The following LPIN2 variants were observed in gnomAD, a reference collection of about 807,000 sequenced individuals.
LPIN2 encodes phosphatidate phosphatase LPIN2.
Under a neutral mutation model 111.4 loss-of-function variants are expected in LPIN2, and 55 were observed. The ratio of observed to expected loss-of-function variants is 0.49; its 90% CI spans 0.40 to 0.62. The LOEUF (loss-of-function observed/expected upper bound fraction) is 0.62, where lower values mean the gene tolerates loss of function less well. LPIN2 is among the 20% of genes least tolerant of loss of function. The probability of loss-of-function intolerance (pLI) is 0.00; values close to 1 mark genes in which losing one functional copy is unlikely to be tolerated. For synonymous variants in LPIN2, 425 were observed against 414.0 expected, an observed-to-expected ratio of 1.03 and a Z score of -0.32; for missense variants, 992 against 1,112.1, an observed-to-expected ratio of 0.89 and a Z score of 1.54.
intron 8 of LPIN2, among the ~76,000 whole-genome samples, chr18:2,933,008 G>A (rs1338319743): frequency 6.6e-6 from 1 of 152,118 alleles, no homozygotes; most frequent in Non-Finnish European, 1.5e-5. Context: ...TACACACATG[G>A]GGATGCCGTC....
At chr18:3,004,862 G>A (rs2078488224) in intron 1 of LPIN2, among the ~76,000 whole-genome samples, 1 of 152,096 alleles carries the variant, frequency 6.6e-6, no homozygotes, top group Non-Finnish European at 1.5e-5. Context: ...AGAACATCAG[G>A]TTTACCTTGT....
intron 1 of LPIN2, among the ~76,000 whole-genome samples, chr18:3,003,767 C>T (rs2078469098): frequency 6.6e-6 from 1 of 152,134 alleles, no homozygotes; most frequent in Non-Finnish European, 1.5e-5. Flanking sequence ...TCACTGTACC[C>T]TGAAAAGAAC....
rs1180021412 is a variant in LPIN2 at position 2,925,784 on chromosome 18, C to T, written c.1794-416G>A. 2.0e-5 allele frequency among the ~76,000 whole-genome samples: 3 copies of T among 152,182 alleles called. No individual in the cohort carries two copies. Among genetic ancestry groups the T allele is most frequent in the African/African-American group, 4.8e-5 (2 of 41,446 alleles). Reference sequence around the variant, plus strand: ...ACTTTGGGAGGCCGAGTTAGGAGGACACCTTGAGCCCAGGAGTTTGAGACC... The same window carrying T: ...ACTTTGGGAGGCCGAGTTAGGAGGATACCTTGAGCCCAGGAGTTTGAGACC... On this transcript the variant is annotated intron_variant, in intron 13 of 19. Transcript: ENST00000677752. The surrounding 1 kb of genome is among the most constrained non-coding windows in gnomAD (Gnocchi z 4.1).
At chr18:3,005,406 G>A (rs1401900800) in intron 1 of LPIN2, among the ~76,000 whole-genome samples, 1 of 152,030 alleles carries the variant, frequency 6.6e-6, no homozygotes, top group African/African-American at 2.4e-5. Flanking sequence ...AGGGCACAGT[G>A]GCTCATGCCT....
At chr18:2,926,174 G>C (rs2077127051) in intron 13 of LPIN2, among the ~76,000 whole-genome samples, 1 of 152,150 alleles carries the variant, frequency 6.6e-6, no homozygotes, top group African/African-American at 2.4e-5. Context: ...AAAGATATAG[G>C]ATGGGGGGCG....
chr18:3,009,892 A>C (rs988332764), intron 1 of LPIN2, among the ~76,000 whole-genome samples: 1 of 152,250 alleles, frequency 6.6e-6, no homozygotes, highest in African/African-American at 2.4e-5. Context: ...TTTAATCCTG[A>C]AAGTGACATT....
chr18:3,010,791 G>A (rs2078589636), intron 1 of LPIN2, among the ~76,000 whole-genome samples: 1 of 152,074 alleles, frequency 6.6e-6, no homozygotes, highest in African/African-American at 2.4e-5. Flanking sequence ...ATATATATTA[G>A]GAAATAAGTA....
intron 1 of LPIN2, among the ~76,000 whole-genome samples, chr18:2,963,019 T>C (rs1476860354): frequency 6.6e-6 from 1 of 152,238 alleles, no homozygotes; most frequent in Admixed American, 6.5e-5. Context: ...GATGTGCTGT[T>C]ATATGGGAAA....
At position 2,951,057 on chromosome 18, in the gene LPIN2, T is replaced by C. The variant is rs1020661683; in HGVS notation, c.588A>G (p.Ala196=). The C allele has an allele frequency of 1.7e-5, 27 of 1,613,992 alleles. No homozygotes were observed. In the Admixed American group the frequency reaches 4.0e-4, roughly 24 times the overall value. ...CCTTCCCAGGCTGAGAGTCCTACCG[T>C]GCTGCCTGGGCCCCCTTGTCATCAT... is the stretch of plus-strand genomic sequence containing the variant. The part of the protein sequence containing the change: ...SSDDDKGAQA[A]RGSSNASLKE... The change falls in exon 4 of 20, where the codon GCA becomes GCG. Residue 196 remains alanine (A), a splice_region_variant and synonymous_variant. Coordinates refer to ENST00000677752, the MANE Select transcript of LPIN2 (RefSeq NM_001375808.2).
Position 2,925,382 on chromosome 18 carries a change from G to A in LPIN2, c.1794-14C>T, listed in dbSNP as rs377387275. On this transcript the variant is annotated splice_polypyrimidine_tract_variant and intron_variant, in intron 13 of 19. Coordinates refer to ENST00000677752, the MANE Select transcript of LPIN2 (RefSeq NM_001375808.2). This position sits in a 1 kb window ranked among gnomAD's most constrained non-coding sequence, Gnocchi z 4.1. ...TTCTCGGCCGGCCTGTTCAACATTA[G>A]CCCAGTTACGGAAGAGGCAGCAGGG... 1.7e-5 allele frequency: 27 copies of A among 1,613,966 alleles called. No homozygotes were observed. In the African/African-American group the frequency reaches 3.2e-4, roughly 19 times the overall value.
intron 1 of LPIN2, among the ~76,000 whole-genome samples, chr18:3,006,102 GT>G (rs1205609918): frequency 6.6e-6 from 1 of 152,140 alleles, no homozygotes; most frequent in African/African-American, 2.4e-5. Context: ...TTGTACAGTG[GT>G]TGTGACTTAA....
At chr18:2,956,083 CAT>C (rs1349220176) in intron 2 of LPIN2, among the ~76,000 whole-genome samples, 2 of 151,468 alleles carry the variant, frequency 1.3e-5, no homozygotes, top group Non-Finnish European at 2.9e-5. Flanking sequence ...TCCAAACAAA[CAT>C]TGTGCAGTAG....
intron 14 of LPIN2, 117 bp from the exon 15 acceptor site, chr18:2,924,663 G>GGCA: frequency 2.2e-5 from 24 of 1,085,008 alleles, no homozygotes; most frequent in Non-Finnish European, 3.2e-5. Flanking sequence ...ATGGTTTCCG[G>GGCA]GGTCTTAGAC....
At chr18:2,923,726 A>G (rs778061820) in intron 16 of LPIN2, 49 bp downstream of exon 16, 1 of 1,491,354 alleles carries the variant, frequency 6.7e-7, no homozygotes, top group South Asian at 1.1e-5. Flanking sequence ...TAGTTCTTAA[A>G]GCAAGCTTCC....
intron 1 of LPIN2, among the ~76,000 whole-genome samples, chr18:2,991,884 CCTGT>C (rs1446873273): frequency 1.3e-5 from 2 of 151,950 alleles, no homozygotes; most frequent in Non-Finnish European, 2.9e-5. Context: ...GTGGCGTGCA[CCTGT>C]AATCCCAGCT....
At chr18:2,963,372 T>C (rs992059607) in intron 1 of LPIN2, among the ~76,000 whole-genome samples, 4 of 152,064 alleles carry the variant, frequency 2.6e-5, no homozygotes, top group African/African-American at 9.7e-5. Context: ...TAGCCCAGCA[T>C]AGCTACACAA....
chr18:2,951,014 T>C (rs2077527263), intron 4 of LPIN2, 41 bp downstream of exon 4: 1 of 1,611,232 alleles, frequency 6.2e-7, no homozygotes, highest in Admixed American at 1.7e-5. Flanking sequence ...ACATGAACTC[T>C]AGGTACCCGC....
intron 5 of LPIN2, 140 bp downstream of exon 5, chr18:2,940,465 A>C (rs188570433): frequency 1.6e-6 from 1 of 616,534 alleles, no homozygotes; most frequent in Admixed American, 2.9e-5. Flanking sequence ...GAAAAGATTC[A>C]TATTTATGTT....
intron 1 of LPIN2, among the ~76,000 whole-genome samples, chr18:3,006,177 T>G (rs2078512826): frequency 6.6e-6 from 1 of 152,202 alleles, no homozygotes; most frequent in Admixed American, 6.5e-5. Flanking sequence ...AAGATAACTG[T>G]AATAATGATA....
Sources: gnomAD v4.1 joint callset for allele counts (sites outside exome capture counted in the v4.1 genomes callset) on GRCh38, gnomAD v4.1.1 for gene constraint, Gnocchi (gnomAD v3.1) non-coding constraint, MANE v1.5 for transcripts, NCBI Gene and HGNC (gene_info 2026-07-23, HGNC 2026-07-21) for gene names.